ZFYVE1: variants seen among roughly 807,000 people sequenced by gnomAD.
ZFYVE1 encodes the protein zinc finger FYVE domain-containing protein 1.
ZFYVE1 carries 30 observed loss-of-function variants against 74.4 expected under a neutral mutation model. The observed-to-expected ratio is 0.40, with a 90% CI of 0.30 to 0.55. ZFYVE1 has a LOEUF of 0.55. Among genes scored for constraint, ZFYVE1 ranks in the 20% least tolerant of loss-of-function variants. The probability of loss-of-function intolerance (pLI) is 0.42; values close to 1 mark genes in which losing one functional copy is unlikely to be tolerated. For synonymous variants in ZFYVE1, 335 were observed against 385.1 expected, an observed-to-expected ratio of 0.87 and a Z score of 1.52; for missense variants, 703 against 1,011.6, an observed-to-expected ratio of 0.69 and a Z score of 4.14.
In ZFYVE1 at chr14:72,975,018, C is replaced by G. The variant is rs192704836; in HGVS notation, c.1807-59G>C. 2.6e-5 allele frequency: 39 copies of G among 1,520,356 alleles called. No individual in the cohort carries two copies. In the East Asian group the frequency reaches 7.7e-4, roughly 30 times the overall value. 94.2% of individuals were successfully genotyped at this position (1,520,356 alleles called of 1,614,324 possible). A position where few individuals can be genotyped will look rare whatever the true frequency, so the allele number is the denominator to read the frequency against. On this transcript the variant is annotated intron_variant, in intron 9 of 11. Coordinates refer to ENST00000556143, the MANE Select transcript of ZFYVE1 (RefSeq NM_021260.4). The surrounding 1 kb of genome is among the most constrained non-coding windows in gnomAD (Gnocchi z 4.1). ...GTAGGTATGGTACATGTCTGCTCAG[C>G]TGAGAAAGTCAACAAGACCCCGGAG... is the stretch of plus-strand genomic sequence containing the variant.
In ZFYVE1 at chr14:73,008,170, T is replaced by G. The variant is rs554655820; in HGVS notation, c.484-9855A>C. On this transcript the variant is annotated intron_variant, in intron 2 of 11. Coordinates refer to ENST00000556143, the MANE Select transcript of ZFYVE1 (RefSeq NM_021260.4). The stretch of plus-strand genomic sequence containing the variant: ...AAAAGTGTTTCTTTTTTTATTTTTT[T>G]GTGTGTGAGACGGAGTTTCACTCTT... Among the ~76,000 whole-genome samples, 11 of 152,186 alleles carry G rather than the reference T, an allele frequency of 7.2e-5. No individual in the cohort carries two copies. The South Asian group carries it at 2.1e-3, about 29-fold the overall frequency.
chr14:73,014,889 T>C (rs1045294547), intron 2 of ZFYVE1, among the ~76,000 whole-genome samples: 3 of 152,032 alleles, frequency 2.0e-5, no homozygotes, highest in Non-Finnish European at 4.4e-5. Flanking sequence ...AAGCCTGAAA[T>C]AGAAGTGGCA....
chr14:73,026,156 A>G (rs890357952), intron 1 of ZFYVE1, among the ~76,000 whole-genome samples: 1 of 151,878 alleles, frequency 6.6e-6, no homozygotes, highest in African/African-American at 2.4e-5. Context: ...AAAAGGAGCA[A>G]CAGGAGACAA....
At chr14:72,974,708 A>T in intron 10 of ZFYVE1, 71 bp downstream of exon 10, 2 of 1,521,476 alleles carry the variant, frequency 1.3e-6, no homozygotes, top group Non-Finnish European at 1.8e-6. Context: ...CTGGATATCC[A>T]GTTCTTAGCA....
At chr14:72,982,389 GA>G (rs200299540) in intron 4 of ZFYVE1, among the ~76,000 whole-genome samples, 47 of 135,994 alleles carry the variant, frequency 3.5e-4, no homozygotes, top group South Asian at 9.1e-4. Context: ...AATGTCACCA[GA>G]AAAAAAAAAA....
chr14:73,018,082 C>G (rs1894237441), intron 2 of ZFYVE1, among the ~76,000 whole-genome samples: 1 of 152,186 alleles, frequency 6.6e-6, no homozygotes, highest in South Asian at 2.1e-4. Context: ...CCCATTCCCT[C>G]TATCTGGAGG....
chr14:72,989,279 G>T (rs1402556326), intron 4 of ZFYVE1, among the ~76,000 whole-genome samples: 1 of 152,150 alleles, frequency 6.6e-6, no homozygotes, highest in African/African-American at 2.4e-5. Flanking sequence ...ATGGTTATCT[G>T]CAGAGTTAGA....
In ZFYVE1 at chr14:73,027,014, T is replaced by G. The variant is rs1413839533; in HGVS notation, c.-523A>C. ...GGCTATTCCTCAGGACACCGGCAGATCCATCCTCATCTCCATCTCCGCCAC... is the reference window on the plus strand; with the variant it reads ...GGCTATTCCTCAGGACACCGGCAGAGCCATCCTCATCTCCATCTCCGCCAC... On this transcript the variant is annotated 5_prime_UTR_variant, in exon 1 of 12. Coordinates refer to ENST00000556143, the MANE Select transcript of ZFYVE1 (RefSeq NM_021260.4). The G allele has an allele frequency of 1.0e-5, 4 of 398,756 alleles. No homozygotes were observed. The highest frequency in any genetic ancestry group is 1.8e-5 in the Non-Finnish European group (4 of 226,334). 24.7% of individuals were successfully genotyped at this position (398,756 alleles called of 1,614,324 possible). A position where few individuals can be genotyped will look rare whatever the true frequency, so the allele number is the denominator to read the frequency against.
chr14:72,979,001 G>A (rs1893254454), intron 5 of ZFYVE1, 32 bp from the exon 6 acceptor site: 22 of 1,588,848 alleles, frequency 1.4e-5, no homozygotes, highest in Admixed American at 1.7e-5. Context: ...ACAATGAGAC[G>A]GCTAAAGGAG....
chr14:73,005,923 AT>A lies in ZFYVE1; in HGVS notation c.484-7609del, dbSNP rs879743746. Among the ~76,000 whole-genome samples, 778 of 142,530 alleles carry A rather than the reference AT, an allele frequency of 5.5e-3. 1 individual carries two copies. Among genetic ancestry groups the A allele is most frequent in the Middle Eastern group, 0.011 (3 of 278 alleles). 93.5% of individuals were successfully genotyped at this position (142,530 alleles called of 152,430 possible). The stretch of plus-strand genomic sequence containing the variant: ...AACCACCTCCTGCTAATCAAAACAC[AT>A]TTTTTTTTTTTTTATGAGACGGAGT... On this transcript the variant is annotated intron_variant, in intron 2 of 11. Coordinates refer to ENST00000556143, the MANE Select transcript of ZFYVE1 (RefSeq NM_021260.4).
intron 2 of ZFYVE1, among the ~76,000 whole-genome samples, chr14:73,012,588 C>T (rs1221218768): frequency 2.0e-5 from 3 of 151,884 alleles, no homozygotes; most frequent in African/African-American, 7.3e-5. Context: ...TGCCACTGCA[C>T]TCCAGCCTGG....
chr14:73,003,497 A>G (rs1893917427), intron 2 of ZFYVE1, among the ~76,000 whole-genome samples: 2 of 152,198 alleles, frequency 1.3e-5, no homozygotes, highest in Admixed American at 1.3e-4. Context: ...GGATCGCTTG[A>G]GCCCTGGAAT....
At chr14:73,024,973 C>A (rs1382583990) in intron 1 of ZFYVE1, 31 bp from the exon 2 acceptor site, 2 of 152,932 alleles carry the variant, frequency 1.3e-5, no homozygotes, top group East Asian at 3.8e-4. Context: ...GGATTTCACT[C>A]ATCTAAAAAA....
In ZFYVE1 at chr14:72,997,898, G is replaced by T. The variant is rs1047723264; in HGVS notation, c.901C>A (p.Arg301Ser). The T allele has an allele frequency of 6.2e-7, 1 of 1,614,140 alleles. No individual in the cohort carries two copies. ...FTKELKATTA[R>S]CGLDVPLSTL... The stretch of plus-strand genomic sequence containing the variant: ...GATAAAGGGACATCCAGGCCACAGC[G>T]AGCAGTGGTGGCCTTGAGCTCCTTG... The change falls in exon 3 of 12, where the codon CGC becomes AGC. Residue 301 changes from arginine to serine, a missense_variant. Physicochemically the swap from Arg to Ser is moderately radical, Grantham distance 110. Coordinates refer to ENST00000556143, the MANE Select transcript of ZFYVE1 (RefSeq NM_021260.4).
Position 72,993,239 on chromosome 14 carries a change from C to G in ZFYVE1, c.1107G>C (p.Thr369=), listed in dbSNP as rs780750133. Reference sequence around the variant, plus strand: ...AAGCACGCCGAAGCCCAGAAAAGTCCGTGGGAGGGTTGTAAGTCCTCGTTC... The same window carrying G: ...AAGCACGCCGAAGCCCAGAAAAGTCGGTGGGAGGGTTGTAAGTCCTCGTTC... ...YKGTRTYNPP[T]DFSGLRRALE... Residue 369 remains threonine, a synonymous_variant, in exon 4 of 12, where the codon ACG becomes ACC. Coordinates refer to ENST00000556143, the MANE Select transcript of ZFYVE1 (RefSeq NM_021260.4). 2 of 1,613,570 alleles carry G rather than the reference C, an allele frequency of 1.2e-6. No individual in the cohort carries two copies. The highest frequency in any genetic ancestry group is 1.7e-5 in the Admixed American group (1 of 59,912).
At chr14:72,982,807 A>G (rs1323261140) in intron 4 of ZFYVE1, among the ~76,000 whole-genome samples, 1 of 152,224 alleles carries the variant, frequency 6.6e-6, no homozygotes, top group Non-Finnish European at 1.5e-5. Context: ...GGAGATCTGG[A>G]AAAAGGGCAG....
Position 73,018,109 on chromosome 14 carries a change from G to T in ZFYVE1, c.483+5917C>A, listed in dbSNP as rs973772433. Among the ~76,000 whole-genome samples, 9 of 152,194 alleles carry T rather than the reference G, an allele frequency of 5.9e-5. No individual in the cohort carries two copies. The East Asian group carries it at 1.4e-3, about 23-fold the overall frequency. On this transcript the variant is annotated intron_variant, in intron 2 of 11. Transcript: ENST00000556143. ...ATCTGGAGGCCTACATAGCACATTA[G>T]TATTACCCATAAGGTCTCTGCTTAA... is the stretch of plus-strand genomic sequence containing the variant.
At position 72,978,346 on chromosome 14, in the gene ZFYVE1, T is replaced by C. The variant is rs80188979; in HGVS notation, c.1420-112A>G. On this transcript the variant is annotated intron_variant, in intron 6 of 11. Coordinates refer to ENST00000556143, the MANE Select transcript of ZFYVE1 (RefSeq NM_021260.4). ...TGTGAACTCCTGGGCTCAAGCAATC[T>C]GCCCGATCTCAGGAGTTCGAGATCA... 6,407 of 961,284 alleles carry C rather than the reference T, an allele frequency of 6.7e-3. 40 individuals are homozygous for C. Among genetic ancestry groups the C allele is most frequent in the Admixed American group, 0.011 (497 of 44,218 alleles). The allele number at this position is 961,284 out of a possible 1,614,324, so 59.5% of individuals were successfully genotyped here.
chr14:72,973,989 G>T, intron 11 of ZFYVE1, 91 bp downstream of exon 11: 2 of 1,085,754 alleles, frequency 1.8e-6, no homozygotes, highest in Non-Finnish European at 2.8e-6. Flanking sequence ...CTCAATCTAG[G>T]TTGGCAAGCC....
Sources: allele counts gnomAD v4.1 joint callset (sites outside exome capture counted in the v4.1 genomes callset), GRCh38; gene constraint gnomAD v4.1.1; non-coding constraint Gnocchi (gnomAD v3.1); transcripts MANE v1.5; gene names NCBI Gene and HGNC (gene_info 2026-07-23, HGNC 2026-07-21).